AFAP1: variants seen among roughly 807,000 people sequenced by gnomAD.
AFAP1 encodes actin filament associated protein 1.
A neutral mutation model predicts 93.9 loss-of-function variants in AFAP1; 75 were observed. The observed-to-expected ratio is 0.80, with a 90% CI of 0.66 to 0.97. The LOEUF (loss-of-function observed/expected upper bound fraction) is 0.97, where lower values mean the gene tolerates loss of function less well. AFAP1 is among the 50% of genes least tolerant of loss of function. The probability of loss-of-function intolerance (pLI) is 0.00; values close to 1 mark genes in which losing one functional copy is unlikely to be tolerated. For synonymous variants in AFAP1, 517 were observed against 430.7 expected (o/e 1.20, Z -2.48); for missense variants, 1,201 against 1,050.8 (o/e 1.14, Z -1.98).
chr4:7,791,978 CAT>C (rs1170331654), intron 11 of AFAP1, among the ~76,000 whole-genome samples: 3 of 152,146 alleles, frequency 2.0e-5, no homozygotes, highest in African/African-American at 4.8e-5. Context: ...AGAGTGTTCA[CAT>C]GTTTGTAAAC....
intron 2 of AFAP1, 123 bp downstream of exon 2, chr4:7,871,829 T>C (rs376630041): frequency 1.7e-5 from 23 of 1,342,352 alleles, no homozygotes; most frequent in African/African-American, 7.5e-5. Context: ...GAAAACTTGA[T>C]GAATAAATAA....
chr4:7,914,738 C>CA (rs1383016390), intron 1 of AFAP1, among the ~76,000 whole-genome samples: 1 of 152,096 alleles, frequency 6.6e-6, no homozygotes, highest in African/African-American at 2.4e-5. Context: ...ATAGTGGCTG[C>CA]ACTAGCTTAC....
chr4:7,915,881 G>C (rs957103290), intron 1 of AFAP1, among the ~76,000 whole-genome samples: 2 of 152,222 alleles, frequency 1.3e-5, no homozygotes, highest in Non-Finnish European at 2.9e-5. Context: ...AGCGGATAAA[G>C]GAAACCAAAA....
Position 7,814,126 on chromosome 4 carries a change from G to A in AFAP1, c.904+1892C>T, listed in dbSNP as rs115661403. On this transcript the variant is annotated intron_variant, in intron 8 of 17. Transcript: ENST00000420658. ...GAGACTATACATCCAAAACACATCTGATAAAGGACTTGTATTCAGAAAAGA... is the reference window on the plus strand; with the variant it reads ...GAGACTATACATCCAAAACACATCTAATAAAGGACTTGTATTCAGAAAAGA... 9.6e-3 allele frequency among the ~76,000 whole-genome samples: 1,463 copies of A among 152,250 alleles called. 28 individuals are homozygous for A. Among genetic ancestry groups the A allele is most frequent in the African/African-American group, 0.034 (1,401 of 41,538 alleles).
chr4:7,918,400 C>T (rs1235411675), intron 1 of AFAP1, among the ~76,000 whole-genome samples: 1 of 149,326 alleles, frequency 6.7e-6, no homozygotes, highest in Non-Finnish European at 1.5e-5. Context: ...ATGAGACACT[C>T]GGCCCAGGTC....
intron 3 of AFAP1, among the ~76,000 whole-genome samples, chr4:7,861,542 G>T (rs1258873876): frequency 6.6e-6 from 1 of 152,220 alleles, no homozygotes; most frequent in Admixed American, 6.5e-5. Context: ...TGGGAAGATT[G>T]TCTCACATAT....
At chr4:7,904,693 GGTTTGTTTGTTT>G (rs139005886) in intron 1 of AFAP1, among the ~76,000 whole-genome samples, 19 of 151,010 alleles carry the variant, frequency 1.3e-4, no homozygotes, top group African/African-American at 3.2e-4. Context: ...TATTACAAAT[GGTTTGTTTGTTT>G]GTTTGTTTGT....
At chr4:7,928,031 T>C (rs1045848937) in intron 1 of AFAP1, among the ~76,000 whole-genome samples, 1 of 152,218 alleles carries the variant, frequency 6.6e-6, no homozygotes, top group Non-Finnish European at 1.5e-5. Flanking sequence ...CCAATCATGA[T>C]AAGAATTTTC....
At position 7,758,994 on chromosome 4, in the gene AFAP1, GTTTCTTT is replaced by G. The variant is rs1713395973; in HGVS notation, c.*4764_*4770del. The G allele has an allele frequency of 1.3e-5, 2 of 152,434 alleles. No individual in the cohort carries two copies. Among genetic ancestry groups the G allele is most frequent in the African/African-American group, 4.8e-5 (2 of 41,418 alleles). The allele number at this position is 152,434 out of a possible 1,614,324, so 9.4% of individuals were successfully genotyped here. ...TATTTAATTTAAAAAAATCTTTGCT[GTTTCTTT>G]GCCTGTTTCTTTCAAAGAGAATTTT... is the stretch of plus-strand genomic sequence containing the variant. On this transcript the variant is annotated 3_prime_UTR_variant, in exon 18 of 18. Transcript: ENST00000420658.
intron 9 of AFAP1, among the ~76,000 whole-genome samples, chr4:7,803,483 G>C (rs539629850): frequency 6.6e-6 from 1 of 152,024 alleles, no homozygotes; most frequent in Non-Finnish European, 1.5e-5. Flanking sequence ...GTCCCCAAGA[G>C]GGCAATTCCT....
intron 1 of AFAP1, among the ~76,000 whole-genome samples, chr4:7,922,264 A>C (rs13435730): frequency 1.3e-5 from 2 of 152,086 alleles, no homozygotes; most frequent in African/African-American, 4.8e-5. Context: ...CAATGTAACT[A>C]TGAAAAAATG....
chr4:7,800,170 TCAGACA>T (rs2149029449), intron 10 of AFAP1, among the ~76,000 whole-genome samples: 1 of 152,290 alleles, frequency 6.6e-6, no homozygotes, highest in East Asian at 1.9e-4. Flanking sequence ...AAAGAGGAAC[TCAGACA>T]AGGAGGCAAG....
chr4:7,926,045 G>A (rs941719884), intron 1 of AFAP1, among the ~76,000 whole-genome samples: 4 of 152,212 alleles, frequency 2.6e-5, no homozygotes, highest in Non-Finnish European at 4.4e-5. Flanking sequence ...ACTTTACCCC[G>A]AGGGAGAAGC....
intron 6 of AFAP1, among the ~76,000 whole-genome samples, chr4:7,825,980 C>T (rs910814787): frequency 6.7e-6 from 1 of 148,364 alleles, no homozygotes; most frequent in South Asian, 2.1e-4. Context: ...AGTCCTAGTA[C>T]GTCTGAACCG....
chr4:7,778,751 G>T lies in AFAP1; in HGVS notation c.1897+11C>A. On this transcript the variant is annotated intron_variant, in intron 14 of 17. Transcript: ENST00000420658. ...GAAGCCGGAATGCAAGACATCCGAT[G>T]GTATACTTACTCGAACCCGTCCTTT... 6.2e-7 allele frequency: 1 copy of T among 1,611,014 alleles called. No homozygotes were observed. The highest frequency in any genetic ancestry group is 8.5e-7 in the Non-Finnish European group (1 of 1,177,180).
intron 1 of AFAP1, among the ~76,000 whole-genome samples, chr4:7,921,470 C>CCA (rs1481249470): frequency 4.5e-5 from 5 of 111,710 alleles, no homozygotes; most frequent in Admixed American, 2.0e-4. Flanking sequence ...CAGGCATGAG[C>CCA]CACCGCACCT....
chr4:7,847,028 T>C (rs536311289), intron 4 of AFAP1, among the ~76,000 whole-genome samples: 4 of 152,370 alleles, frequency 2.6e-5, no homozygotes, highest in Admixed American at 1.3e-4. Flanking sequence ...GTTCATTGTC[T>C]TGCCTTCTTC....
chr4:7,913,372 A>G (rs1416677137), intron 1 of AFAP1, among the ~76,000 whole-genome samples: 1 of 148,884 alleles, frequency 6.7e-6, no homozygotes, highest in African/African-American at 2.5e-5. Context: ...CCTGGGAGAC[A>G]GTAAGACCCT....
chr4:7,931,514 T>C (rs934425752), intron 1 of AFAP1, among the ~76,000 whole-genome samples: 4 of 151,788 alleles, frequency 2.6e-5, no homozygotes, highest in Admixed American at 6.6e-5. Flanking sequence ...CCTGAGTAGC[T>C]AGAATCACAG....
Sources: allele counts gnomAD v4.1 joint callset (sites outside exome capture counted in the v4.1 genomes callset), GRCh38; gene constraint gnomAD v4.1.1; transcripts MANE v1.5; gene names NCBI Gene and HGNC (gene_info 2026-07-23, HGNC 2026-07-21).